MAPKAPK2: variants seen among roughly 807,000 people sequenced by gnomAD.
MAPKAPK2 encodes the protein MAPK activated protein kinase 2.
A neutral mutation model predicts 48.8 loss-of-function variants in MAPKAPK2; 9 were observed. The observed-to-expected ratio is 0.18, with a 90% CI of 0.11 to 0.32. MAPKAPK2 has a LOEUF of 0.32. Among genes scored for constraint, MAPKAPK2 ranks in the 10% least tolerant of loss-of-function variants. The pLI is 1.00. For missense variants in MAPKAPK2, 331 were observed against 498.3 expected, an observed-to-expected ratio of 0.66 and a Z score of 3.20; for synonymous variants, 202 against 190.6, an observed-to-expected ratio of 1.06 and a Z score of -0.49.
At chr1:206,729,219 C>A in intron 3 of MAPKAPK2, 120 bp downstream of exon 3, 1 of 1,210,708 alleles carries the variant, frequency 8.3e-7, no homozygotes, top group Non-Finnish European at 1.2e-6. Flanking sequence ...CTCCAGCATG[C>A]TGCAAGGGGT....
Position 206,696,107 on chromosome 1 carries a change from G to A in MAPKAPK2, c.279+10599G>A, listed in dbSNP as rs782613537. ...TTCACCTTCATCCTACCAGTCACACGGCAGATGATTTCTTTGCCAGAAAGA... is the reference window on the plus strand; with the variant it reads ...TTCACCTTCATCCTACCAGTCACACAGCAGATGATTTCTTTGCCAGAAAGA... On this transcript the variant is annotated intron_variant, in intron 1 of 9. Transcript: ENST00000367103. 2.1e-5 allele frequency: 28 copies of A among 1,364,978 alleles called. 1 individual carries two copies. The Middle Eastern group carries it at 2.3e-3, about 113-fold the overall frequency. The allele number at this position is 1,364,978 out of a possible 1,614,324, so 84.6% of individuals were successfully genotyped here. A position where few individuals can be genotyped will look rare whatever the true frequency, so the allele number is the denominator to read the frequency against.
At chr1:206,726,959 C>T (rs1673719409) in intron 1 of MAPKAPK2, among the ~76,000 whole-genome samples, 1 of 152,164 alleles carries the variant, frequency 6.6e-6, no homozygotes. Flanking sequence ...TGCTGTATCA[C>T]CCCAGCTCCA....
intron 1 of MAPKAPK2, among the ~76,000 whole-genome samples, chr1:206,724,256 G>A (rs1177476220): frequency 6.6e-6 from 1 of 152,194 alleles, no homozygotes; most frequent in African/African-American, 2.4e-5. Context: ...CAGTGCCCTA[G>A]GAGTCCTGCT....
At chr1:206,696,047 A>G (rs1672614546) in intron 1 of MAPKAPK2, 1 of 888,774 alleles carries the variant, frequency 1.1e-6, no homozygotes, top group Non-Finnish European at 1.9e-6. Context: ...GGCAGCCAAC[A>G]TAGCAGCATG....
chr1:206,705,257 A>C (rs1672918833), intron 1 of MAPKAPK2, among the ~76,000 whole-genome samples: 1 of 152,044 alleles, frequency 6.6e-6, no homozygotes, highest in South Asian at 2.1e-4. Flanking sequence ...GTGGCAGAGG[A>C]GGGGCCCCGG....
intron 3 of MAPKAPK2, 48 bp from the exon 4 acceptor site, chr1:206,729,348 G>C: frequency 1.3e-6 from 2 of 1,489,280 alleles, no homozygotes; most frequent in Non-Finnish European, 1.9e-6. Flanking sequence ...GCCTAATGAT[G>C]TGTCTTTGTG....
intron 1 of MAPKAPK2, among the ~76,000 whole-genome samples, chr1:206,690,299 A>T (rs1672417987): frequency 6.6e-6 from 1 of 152,224 alleles, no homozygotes. Flanking sequence ...CTCCTGCAGC[A>T]GGGCCCTTGG....
intron 1 of MAPKAPK2, among the ~76,000 whole-genome samples, chr1:206,709,703 A>G (rs1673079177): frequency 6.6e-6 from 1 of 152,168 alleles, no homozygotes; most frequent in Admixed American, 6.5e-5. Context: ...GTACTATTCA[A>G]ATTAGCTTAA....
intron 1 of MAPKAPK2, among the ~76,000 whole-genome samples, chr1:206,720,352 TTTTTGTTTTG>T (rs549265514): frequency 1.3e-5 from 2 of 152,114 alleles, no homozygotes; most frequent in Non-Finnish European, 2.9e-5. Context: ...GCCTTTATTG[TTTTTGTTTTG>T]TTTTGTTTTG....
intron 1 of MAPKAPK2, among the ~76,000 whole-genome samples, chr1:206,691,710 G>T (rs1167506684): frequency 6.6e-6 from 1 of 151,968 alleles, no homozygotes; most frequent in African/African-American, 2.4e-5. Flanking sequence ...CCTGAGCACC[G>T]GCAGGGTGAG....
Position 206,729,381 on chromosome 1 carries a change from C to A in MAPKAPK2, c.485-15C>A. On this transcript the variant is annotated splice_polypyrimidine_tract_variant and intron_variant, in intron 3 of 9. Transcript: ENST00000367103. ...GTGACTTTCTTTCCCACTCACTCTT[C>A]CCTCCCCTCTACAGAAGCATCCGAA... 1 of 1,604,694 alleles carries A rather than the reference C, an allele frequency of 6.2e-7. No individual in the cohort carries two copies. Among genetic ancestry groups the A allele is most frequent in the Non-Finnish European group, 8.5e-7 (1 of 1,171,500 alleles).
At chr1:206,699,118 G>T (rs977084945) in intron 1 of MAPKAPK2, among the ~76,000 whole-genome samples, 1 of 152,248 alleles carries the variant, frequency 6.6e-6, no homozygotes, top group Admixed American at 6.5e-5. Context: ...ACGAACACCC[G>T]TGTGTATAAA....
At chr1:206,713,262 G>T (rs1441651529) in intron 1 of MAPKAPK2, among the ~76,000 whole-genome samples, 1 of 152,190 alleles carries the variant, frequency 6.6e-6, no homozygotes, top group Non-Finnish European at 1.5e-5. Flanking sequence ...CTGCCTGGAA[G>T]TGGTCAGAGA....
At chr1:206,697,544 G>A (rs1672670683) in intron 1 of MAPKAPK2, among the ~76,000 whole-genome samples, 1 of 151,942 alleles carries the variant, frequency 6.6e-6, no homozygotes, top group African/African-American at 2.4e-5. Context: ...GGGGGTGGGG[G>A]AGGCCCTCGA....
chr1:206,694,345 C>T (rs1434943221), intron 1 of MAPKAPK2, among the ~76,000 whole-genome samples: 1 of 152,180 alleles, frequency 6.6e-6, no homozygotes, highest in Non-Finnish European at 1.5e-5. Flanking sequence ...TGTCGATGGC[C>T]TCCTTCTCCC....
intron 1 of MAPKAPK2, among the ~76,000 whole-genome samples, chr1:206,706,176 C>G (rs1672952071): frequency 6.6e-6 from 1 of 151,176 alleles, no homozygotes; most frequent in East Asian, 1.9e-4. Flanking sequence ...TCTTAAAAGG[C>G]TGCTTTTCCC....
At chr1:206,690,429 G>A (rs570351633) in intron 1 of MAPKAPK2, among the ~76,000 whole-genome samples, 61 of 152,372 alleles carry the variant, frequency 4.0e-4, no homozygotes, top group African/African-American at 1.4e-3. Flanking sequence ...GTGGCTGACA[G>A]GAGGGGAGAG....
chr1:206,728,990 G>A (rs375053728), intron 2 of MAPKAPK2, 45 bp from the exon 3 acceptor site: 19 of 1,611,258 alleles, frequency 1.2e-5, no homozygotes, highest in African/African-American at 5.3e-5. Context: ...GGAGAGTGGC[G>A]GCGGGCTGTT....
chr1:206,720,885 A>G (rs1553431114), intron 1 of MAPKAPK2, among the ~76,000 whole-genome samples: 1 of 152,244 alleles, frequency 6.6e-6, no homozygotes, highest in Non-Finnish European at 1.5e-5. Flanking sequence ...TCAGGAATCC[A>G]CATTTCCCCA....
Sources: gnomAD v4.1 joint callset for allele counts (sites outside exome capture counted in the v4.1 genomes callset) on GRCh38, gnomAD v4.1.1 for gene constraint, MANE v1.5 for transcripts, NCBI Gene and HGNC (gene_info 2026-07-23, HGNC 2026-07-21) for gene names.